RIMBP2: variants seen among roughly 807,000 people sequenced by gnomAD.
RIMBP2 encodes RIMS binding protein 2.
RIMBP2 carries 48 observed loss-of-function variants against 118.6 expected under a neutral mutation model. The observed-to-expected ratio is 0.40, with a 90% confidence interval of 0.32 to 0.51. RIMBP2 has a LOEUF of 0.51. Among genes scored for constraint, RIMBP2 ranks in the 20% least tolerant of loss-of-function variants. The pLI, the probability that RIMBP2 is intolerant of heterozygous loss-of-function variation, is 0.41. For synonymous variants in RIMBP2, 762 were observed against 742.9 expected (o/e 1.03, Z -0.42); for missense variants, 1,551 against 1,768.3 (o/e 0.88, Z 2.20).
intron 2 of RIMBP2, among the ~76,000 whole-genome samples, chr12:130,545,700 G>A (rs932293586): frequency 6.6e-6 from 1 of 152,194 alleles, no homozygotes; most frequent in Non-Finnish European, 1.5e-5. Flanking sequence ...TCACGTCTGG[G>A]GAGGAGAGGG....
chr12:130,705,448 C>T (rs1336960131), intron 1 of RIMBP2, among the ~76,000 whole-genome samples: 14 of 152,320 alleles, frequency 9.2e-5, no homozygotes, highest in African/African-American at 2.4e-4. Context: ...TTGTCATGTC[C>T]GTGACTGTGG....
chr12:130,407,952 C>T (rs549513178), intron 19 of RIMBP2, 123 bp from the exon 20 acceptor site: 16 of 813,140 alleles, frequency 2.0e-5, no homozygotes, highest in Admixed American at 1.3e-4. Flanking sequence ...AACAGGGCCA[C>T]GTGCTCCTGG....
intron 6 of RIMBP2, among the ~76,000 whole-genome samples, chr12:130,459,238 TG>T (rs952471994): frequency 2.7e-5 from 4 of 150,794 alleles, no homozygotes; most frequent in Non-Finnish European, 5.9e-5. Context: ...GTGGTGGTGG[TG>T]GTGGTTACGA....
At chr12:130,452,316 G>A (rs1010170867) in intron 7 of RIMBP2, among the ~76,000 whole-genome samples, 1 of 152,124 alleles carries the variant, frequency 6.6e-6, no homozygotes, top group Admixed American at 6.5e-5. Context: ...GCTGCCCTAG[G>A]AGCCGCCCCT....
In RIMBP2 at chr12:130,422,095, G is replaced by A. The variant is rs920615045; in HGVS notation, c.3238+358C>T. On this transcript the variant is annotated intron_variant, in intron 17 of 22. Coordinates refer to ENST00000690449, the MANE Select transcript of RIMBP2 (RefSeq NM_001393629.1). This position sits in a 1 kb window ranked among gnomAD's most constrained non-coding sequence, Gnocchi z 5.2. ...TGGGGCTCACAGACCCCTGAGGCAC[G>A]CTGACATCCAGCTTCTGCACCTGCC... is the stretch of plus-strand genomic sequence containing the variant. Among the ~76,000 whole-genome samples, 2 of 152,146 alleles carry A rather than the reference G, an allele frequency of 1.3e-5. No homozygotes were observed. The highest frequency in any genetic ancestry group is 6.5e-5 in the Admixed American group (1 of 15,270).
chr12:130,599,097 C>T (rs188768858), intron 2 of RIMBP2, among the ~76,000 whole-genome samples: 8 of 152,256 alleles, frequency 5.3e-5, no homozygotes, highest in Admixed American at 2.6e-4. Context: ...GAGAGTCATA[C>T]GCAATAAGTA....
rs1593315846 is a variant in RIMBP2, at chr12:130,442,723, T to C, written c.692-63A>G. On this transcript the variant is annotated intron_variant, in intron 10 of 22. Transcript: ENST00000690449. This position sits in a 1 kb window ranked among gnomAD's most constrained non-coding sequence, Gnocchi z 6.9. ...ACAGCAGGGGCCTCGAGGCCCCCAG[T>C]GTACTCCCACCTCCCCCACCAGGAC... 1 of 1,385,774 alleles carries C rather than the reference T, an allele frequency of 7.2e-7. No homozygotes were observed. Among genetic ancestry groups the C allele is most frequent in the South Asian group, 1.3e-5 (1 of 75,132 alleles). The allele number at this position is 1,385,774 out of a possible 1,614,324, so 85.8% of individuals were successfully genotyped here. A position where few individuals can be genotyped will look rare whatever the true frequency, so the allele number is the denominator to read the frequency against.
At chr12:130,704,846 A>G (rs1044235183) in intron 1 of RIMBP2, among the ~76,000 whole-genome samples, 1 of 152,120 alleles carries the variant, frequency 6.6e-6, no homozygotes, top group Non-Finnish European at 1.5e-5. Context: ...GCTGCTCTCT[A>G]GCTATGTGAT....
chr12:130,425,150 G>A (rs890935340), intron 15 of RIMBP2: 41 of 302,802 alleles, frequency 1.4e-4, no homozygotes, highest in Non-Finnish European at 1.9e-4. Flanking sequence ...GTGAGATCCC[G>A]GCGGCACATC....
At chr12:130,547,762 G>A (rs750798560) in intron 2 of RIMBP2, among the ~76,000 whole-genome samples, 17 of 152,188 alleles carry the variant, frequency 1.1e-4, no homozygotes, top group Non-Finnish European at 2.2e-4. Context: ...AGCAAAGCAC[G>A]ATCACAGAAA....
chr12:130,534,246 G>A (rs2053782287), intron 2 of RIMBP2, among the ~76,000 whole-genome samples: 1 of 147,154 alleles, frequency 6.8e-6, no homozygotes, highest in Non-Finnish European at 1.5e-5. Flanking sequence ...AGTGGGAGGT[G>A]GTGGGAGGGG....
At chr12:130,640,986 C>A (rs2062591501) in intron 1 of RIMBP2, among the ~76,000 whole-genome samples, 1 of 152,204 alleles carries the variant, frequency 6.6e-6, no homozygotes, top group African/African-American at 2.4e-5. Context: ...GCAGACATGG[C>A]CCTATTAAAG....
At chr12:130,522,369 G>C (rs1341665123) in intron 2 of RIMBP2, among the ~76,000 whole-genome samples, 2 of 152,202 alleles carry the variant, frequency 1.3e-5, no homozygotes, top group Non-Finnish European at 2.9e-5. Flanking sequence ...GGGGAACATG[G>C]CAACCGGCCA....
chr12:130,676,743 A>C (rs1002131210), intron 1 of RIMBP2, among the ~76,000 whole-genome samples: 6 of 152,206 alleles, frequency 3.9e-5, no homozygotes, highest in Non-Finnish European at 8.8e-5. Context: ...ATGAGTCTCA[A>C]ATGTACCATG....
In RIMBP2 at chr12:130,422,303, G is replaced by A. The variant is rs1434801400; in HGVS notation, c.3238+150C>T. 1.3e-5 allele frequency: 7 copies of A among 544,002 alleles called. No individual in the cohort carries two copies. In the East Asian group the frequency reaches 2.0e-4, roughly 16 times the overall value. The allele number at this position is 544,002 out of a possible 1,614,324, so 33.7% of individuals were successfully genotyped here. On this transcript the variant is annotated intron_variant, in intron 17 of 22. Transcript: ENST00000690449. This position sits in a 1 kb window ranked among gnomAD's most constrained non-coding sequence, Gnocchi z 5.2. ...CTTACAAATAGCTTTCATTTATCTT[G>A]TGCTGTTCCTGCCTTCTTTTTGCCA...
intron 1 of RIMBP2, among the ~76,000 whole-genome samples, chr12:130,695,686 T>C (rs767674107): frequency 6.6e-6 from 1 of 152,078 alleles, no homozygotes; most frequent in Non-Finnish European, 1.5e-5. Flanking sequence ...CAACCCCTGT[T>C]TCTGAGTGGC....
chr12:130,694,728 A>G (rs918148050), intron 1 of RIMBP2, among the ~76,000 whole-genome samples: 13 of 152,218 alleles, frequency 8.5e-5, no homozygotes, highest in Non-Finnish European at 2.9e-5. Flanking sequence ...CACAGGAGGT[A>G]GCAGACACTG....
chr12:130,612,707 T>C (rs567939500), intron 2 of RIMBP2, among the ~76,000 whole-genome samples: 9 of 152,266 alleles, frequency 5.9e-5, no homozygotes, highest in Admixed American at 2.0e-4. Flanking sequence ...CTCTATGTCT[T>C]AAACAACTGG....
At chr12:130,533,895 G>A (rs1053473878) in intron 2 of RIMBP2, among the ~76,000 whole-genome samples, 15 of 152,140 alleles carry the variant, frequency 9.9e-5, no homozygotes, top group African/African-American at 3.6e-4. Flanking sequence ...GCTGGGTGCG[G>A]TGGCTCATGC....
Sources: gnomAD v4.1 joint callset for allele counts (sites outside exome capture counted in the v4.1 genomes callset) on GRCh38, gnomAD v4.1.1 for gene constraint, Gnocchi (gnomAD v3.1) non-coding constraint, MANE v1.5 for transcripts, NCBI Gene and HGNC (gene_info 2026-07-23, HGNC 2026-07-21) for gene names.